Variants in SOX5 observed in about 807,000 individuals in gnomAD.
SOX5 encodes the protein transcription factor SOX-5.
A neutral mutation model predicts 92.0 loss-of-function variants in SOX5; 9 were observed. That is an observed-to-expected ratio of 0.10 (90% CI 0.06 to 0.17). The LOEUF (loss-of-function observed/expected upper bound fraction) is 0.17, where lower values mean the gene tolerates loss of function less well. SOX5 is among the 10% of genes least tolerant of loss of function. SOX5 has a pLI of 1.00. For missense variants in SOX5, 642 were observed against 944.5 expected (o/e 0.68, Z 4.20); for synonymous variants, 344 against 336.3 (o/e 1.02, Z -0.25).
At chr12:24,459,616 G>A (rs1943399720) in intron 1 of SOX5, among the ~76,000 whole-genome samples, 1 of 152,052 alleles carries the variant, frequency 6.6e-6, no homozygotes, top group Admixed American at 6.6e-5. Context: ...AATCAGGGAA[G>A]GGAATAAAGA....
chr12:23,671,017 A>T (rs2084688969), intron 6 of SOX5, among the ~76,000 whole-genome samples: 1 of 152,154 alleles, frequency 6.6e-6, no homozygotes, highest in Admixed American at 6.5e-5. Context: ...GAGGAAATAA[A>T]AATTGCTTTT....
At chr12:23,856,237 C>G (rs1176282523) in intron 2 of SOX5, among the ~76,000 whole-genome samples, 3 of 152,046 alleles carry the variant, frequency 2.0e-5, no homozygotes, top group African/African-American at 7.2e-5. Flanking sequence ...AGGTTCTCTG[C>G]AAAGATTATA....
chr12:23,662,142 TAC>T (rs139260735), intron 7 of SOX5, among the ~76,000 whole-genome samples: 1 of 151,968 alleles, frequency 6.6e-6, no homozygotes, highest in Non-Finnish European at 1.5e-5. Flanking sequence ...ATTATATATA[TAC>T]ACACACACAT....
At chr12:24,325,442 G>A (rs1459162088) in intron 2 of SOX5, among the ~76,000 whole-genome samples, 2 of 152,086 alleles carry the variant, frequency 1.3e-5, no homozygotes, top group African/African-American at 4.8e-5. Context: ...AAAATAGAGA[G>A]GGAAGAACCG....
intron 1 of SOX5, among the ~76,000 whole-genome samples, chr12:24,418,229 T>C (rs1034324844): frequency 2.2e-4 from 33 of 152,178 alleles, no homozygotes; most frequent in African/African-American, 7.7e-4. Flanking sequence ...CTCCTCAATA[T>C]CCCTTTCATT....
At chr12:24,431,344 A>G (rs1283994140) in intron 1 of SOX5, among the ~76,000 whole-genome samples, 1 of 152,190 alleles carries the variant, frequency 6.6e-6, no homozygotes, top group African/African-American at 2.4e-5. Flanking sequence ...TAAATAGTCC[A>G]CTGATGCTAA....
In SOX5 at chr12:23,630,107, T is replaced by A. The variant is rs541838208; in HGVS notation, c.1017+10705A>T. On this transcript the variant is annotated intron_variant, in intron 8 of 14. Coordinates refer to ENST00000451604, the MANE Select transcript of SOX5 (RefSeq NM_006940.6). ...CAAGAAAATATTTTTATATGATTTA[T>A]AAAAAAGTTGCATATTACATTAAAA... is the stretch of plus-strand genomic sequence containing the variant. Among the ~76,000 whole-genome samples the A allele has an allele frequency of 2.6e-5, 4 of 152,050 alleles. No individual in the cohort carries two copies. The East Asian group carries it at 7.7e-4, about 29-fold the overall frequency.
rs536740188 is a variant in SOX5 at position 24,459,683 on chromosome 12, T to A, written c.-250-91044A>T. On this transcript the variant is annotated intron_variant, in intron 1 of 4. Transcript: ENST00000446891. ...AGGAAAACTGTCTACTGTATCATTTTACTTTCAAATGACCTGTATTAATAC... is the reference window on the plus strand; with the variant it reads ...AGGAAAACTGTCTACTGTATCATTTAACTTTCAAATGACCTGTATTAATAC... 9.2e-5 allele frequency among the ~76,000 whole-genome samples: 14 copies of A among 152,324 alleles called. 1 individual carries two copies. The South Asian group carries it at 2.9e-3, about 32-fold the overall frequency.
At chr12:24,225,757 A>C (rs1961789122) in intron 3 of SOX5, among the ~76,000 whole-genome samples, 1 of 152,214 alleles carries the variant, frequency 6.6e-6, no homozygotes, top group Admixed American at 6.5e-5. Context: ...CAAACTGGCA[A>C]ATAATTTGCA....
At chr12:24,033,624 A>C (rs1955728899) in intron 4 of SOX5, among the ~76,000 whole-genome samples, 2 of 152,050 alleles carry the variant, frequency 1.3e-5, no homozygotes, top group South Asian at 4.1e-4. Context: ...CTTACAGGTA[A>C]GTAAGAAGAT....
intron 2 of SOX5, among the ~76,000 whole-genome samples, chr12:23,887,368 G>A (rs547466020): frequency 4.0e-4 from 61 of 152,232 alleles, no homozygotes; most frequent in African/African-American, 1.3e-3. Context: ...AGCAAAGGAT[G>A]AAAATAATCA....
chr12:24,181,270 T>C (rs1955471277), intron 4 of SOX5, among the ~76,000 whole-genome samples: 1 of 152,206 alleles, frequency 6.6e-6, no homozygotes, highest in Admixed American at 6.5e-5. Context: ...AATTAGATAA[T>C]GCCTACTTAA....
intron 2 of SOX5, among the ~76,000 whole-genome samples, chr12:23,859,917 T>C (rs1431178150): frequency 6.6e-6 from 1 of 152,060 alleles, no homozygotes; most frequent in Non-Finnish European, 1.5e-5. Context: ...CATAAATGAC[T>C]GGATAAAGAA....
intron 4 of SOX5, among the ~76,000 whole-genome samples, chr12:24,050,136 A>G (rs1301917781): frequency 6.6e-6 from 1 of 150,658 alleles, no homozygotes. Context: ...GGGAGTGGAT[A>G]AGTGACTGTA....
intron 2 of SOX5, among the ~76,000 whole-genome samples, chr12:24,331,700 T>G (rs575020877): frequency 3.6e-4 from 55 of 151,094 alleles, no homozygotes; most frequent in Non-Finnish European, 6.8e-4. Context: ...ATACAAAAAT[T>G]AGTTGGGTGT....
At chr12:23,878,000 G>C (rs2096947363) in intron 2 of SOX5, among the ~76,000 whole-genome samples, 1 of 151,568 alleles carries the variant, frequency 6.6e-6, no homozygotes, top group Non-Finnish European at 1.5e-5. Context: ...TATTTTTTCT[G>C]CTTCTAAAGT....
chr12:23,895,452 A>C (rs1205494164), intron 2 of SOX5, among the ~76,000 whole-genome samples: 1 of 152,156 alleles, frequency 6.6e-6, no homozygotes, highest in Non-Finnish European at 1.5e-5. Context: ...CCAGAAAAAA[A>C]AACTTTTATT....
rs948081563 is a variant in SOX5 at position 23,629,815 on chromosome 12, G to A, written c.1017+10997C>T. 2.0e-5 allele frequency among the ~76,000 whole-genome samples: 3 copies of A among 151,714 alleles called. No individual in the cohort carries two copies. In the East Asian group the frequency reaches 5.8e-4, roughly 29 times the overall value. On this transcript the variant is annotated intron_variant, in intron 8 of 14. Transcript: ENST00000451604. The stretch of plus-strand genomic sequence containing the variant: ...AAGGATCCTTGACTGATTCATCTTT[G>A]CATTTCTTATAATGCTTAGCTCAAT...
At chr12:23,624,992 C>A (rs931010842) in intron 8 of SOX5, among the ~76,000 whole-genome samples, 1 of 152,092 alleles carries the variant, frequency 6.6e-6, no homozygotes, top group Non-Finnish European at 1.5e-5. Flanking sequence ...TTAGATTGAT[C>A]CCTATATATG....
Sources: gnomAD v4.1 joint callset for allele counts (sites outside exome capture counted in the v4.1 genomes callset) on GRCh38, gnomAD v4.1.1 for gene constraint, MANE v1.5 for transcripts, NCBI Gene and HGNC (gene_info 2026-07-23, HGNC 2026-07-21) for gene names.